The following LACTBL1 variants were observed in gnomAD, a reference collection of about 807,000 sequenced individuals.
LACTBL1 encodes lactamase beta like 1.
A neutral mutation model predicts 39.6 loss-of-function variants in LACTBL1; 29 were observed. That is an observed-to-expected ratio of 0.73 (90% CI 0.55 to 1.00). The LOEUF is 1.00. LACTBL1 is among the 50% of genes least tolerant of loss of function. The pLI, the probability that LACTBL1 is intolerant of heterozygous loss-of-function variation, is 0.00. For synonymous variants in LACTBL1, 361 were observed against 360.7 expected (o/e 1.00, Z -0.01); for missense variants, 711 against 748.5 (o/e 0.95, Z 0.59).
chr1:22,955,338 T>C (rs1640750645), exon 5 of LACTBL1: 2 of 1,550,372 alleles, frequency 1.3e-6, no homozygotes, highest in Non-Finnish European at 1.7e-6. Context: ...CCGGGTCCAC[T>C]ACCAGCACAT....
Position 22,965,279 on chromosome 1 carries a change from T to C in LACTBL1, c.49+11A>G. 1 of 1,318,902 alleles carries C rather than the reference T, an allele frequency of 7.6e-7. No homozygotes were observed. 81.7% of individuals were successfully genotyped at this position (1,318,902 alleles called of 1,614,324 possible). ...CTATGGGGAGGAACTCAAGGCTGTCTCTGCACTCACCGGTCTTCAGCTTGG... is the reference window on the plus strand; with the variant it reads ...CTATGGGGAGGAACTCAAGGCTGTCCCTGCACTCACCGGTCTTCAGCTTGG... On this transcript the variant is annotated intron_variant, in intron 1 of 5. Coordinates refer to ENST00000426928, the Ensembl canonical transcript of LACTBL1.
At chr1:22,963,162 G>C (rs1245051124) in exon 2 of LACTBL1, 1 of 1,316,904 alleles carries the variant, frequency 7.6e-7, no homozygotes, top group African/African-American at 1.5e-5. Flanking sequence ...CACGGGCTCA[G>C]GGTGCCGGGG....
Position 22,954,581 on chromosome 1 carries a change from C to T in LACTBL1, c.660-557G>A, listed in dbSNP as rs551973154. Among the ~76,000 whole-genome samples, 25 of 152,286 alleles carry T rather than the reference C, an allele frequency of 1.6e-4. 1 individual carries two copies. The South Asian group carries it at 5.2e-3, about 32-fold the overall frequency. ...GCATTCCTGAACTCTGGGCCAACTT[C>T]CTTATTTTTGCAGATGAGGAAGATT... On this transcript the variant is annotated intron_variant, in intron 5 of 5. Transcript: ENST00000426928.
chr1:22,965,563 T>C, upstream of LACTBL1: 1 of 278,482 alleles, frequency 3.6e-6, no homozygotes, highest in Non-Finnish European at 5.4e-6. Flanking sequence ...AATTTCACAG[T>C]TGTGAAACCA....
exon 6 of LACTBL1, chr1:22,953,912 T>A: frequency 1.3e-6 from 2 of 1,550,210 alleles, no homozygotes; most frequent in Non-Finnish European, 8.7e-7. Flanking sequence ...GTGTCTGCCA[T>A]CCCCAGCGGC....
exon 6 of LACTBL1, chr1:22,953,741 C>A (rs1394713204): frequency 7.4e-7 from 1 of 1,358,392 alleles, no homozygotes; most frequent in African/African-American, 1.5e-5. Context: ...CGGGGCCCGC[C>A]GCCCAGGAGC....
chr1:22,955,549 A>C (rs994327249), intron 4 of LACTBL1, 123 bp from the exon 7 acceptor site: 1 of 660,292 alleles, frequency 1.5e-6, no homozygotes, highest in Middle Eastern at 4.2e-4. Flanking sequence ...AGTTTTTTAA[A>C]AAAGAAAATC....
In LACTBL1 at chr1:22,953,705, TGGCCGCGTCG is replaced by T; in HGVS notation, c.969_978del (p.Asp324ArgfsTer112). 1 of 1,321,858 alleles carries T rather than the reference TGGCCGCGTCG, an allele frequency of 7.6e-7. No individual in the cohort carries two copies. Among genetic ancestry groups the T allele is most frequent in the Middle Eastern group, 2.9e-4 (1 of 3,504 alleles). 81.9% of individuals were successfully genotyped at this position (1,321,858 alleles called of 1,614,324 possible). On this transcript the variant is annotated frameshift_variant, in exon 6 of 6. Coordinates refer to ENST00000426928, the Ensembl canonical transcript of LACTBL1. LOFTEE classifies it high-confidence loss of function. ...GCCAGCAGCGGCGCCAGCAGCGTCT[TGGCCGCGTCG>T]GGCCGCAGGAGCCGCCGGGGCCCGC...
At chr1:22,964,201 T>G (rs1405394015) in intron 1 of LACTBL1, among the ~76,000 whole-genome samples, 1 of 152,174 alleles carries the variant, frequency 6.6e-6, no homozygotes, top group African/African-American at 2.4e-5. Flanking sequence ...CCTCCCAAAG[T>G]GCTGAGATTA....
At chr1:22,958,969 CA>C in intron 3 of LACTBL1, 49 bp from the exon 6 acceptor site, 1 of 1,272,154 alleles carries the variant, frequency 7.9e-7, no homozygotes. Context: ...CTGTTGGCCC[CA>C]CAACCCACCT....
chr1:22,968,211 GTGT>G (rs1640903030), upstream of LACTBL1, among the ~76,000 whole-genome samples: 1 of 152,202 alleles, frequency 6.6e-6, no homozygotes, highest in African/African-American at 2.4e-5. Flanking sequence ...TCTGTGGAGT[GTGT>G]TGTTGTATAA....
chr1:22,972,294 C>A, the LACTBL1 span: 1 of 985,250 alleles, frequency 1.0e-6, no homozygotes, highest in Non-Finnish European at 1.2e-6. Flanking sequence ...CTTCTTGAGG[C>A]TGTGCCTCAC....
chr1:22,960,060 C>T lies in LACTBL1; in HGVS notation c.199G>A (p.Val67Met), dbSNP rs977878181. Residue 67 changes from valine (V) to methionine (M), a missense_variant, in exon 3 of 6, where the codon GTG becomes ATG. Coordinates refer to ENST00000426928, the Ensembl canonical transcript of LACTBL1. ...ATGACAACTGCAGACATGGCAGCCA[C>T]GCCTGGGGCAGACATTGCCTGGCGC... The T allele has an allele frequency of 5.8e-6, 9 of 1,550,714 alleles. No homozygotes were observed. In the Admixed American group the frequency reaches 7.8e-5, roughly 14 times the overall value.
chr1:22,971,330 C>G, the LACTBL1 span, among the ~76,000 whole-genome samples: 1 of 152,126 alleles, frequency 6.6e-6, no homozygotes, highest in Non-Finnish European at 1.5e-5. Flanking sequence ...TTCCAGCAGA[C>G]CCGAAGATGG....
At chr1:22,958,360 CA>C (rs368909673) in intron 4 of LACTBL1, among the ~76,000 whole-genome samples, 18 of 152,260 alleles carry the variant, frequency 1.2e-4, no homozygotes, top group African/African-American at 4.3e-4. Context: ...ACTGGGGTGA[CA>C]GGCATGAGCC....
exon 6 of LACTBL1, chr1:22,953,873 C>T (rs997962313): frequency 1.5e-5 from 23 of 1,549,048 alleles, no homozygotes; most frequent in Non-Finnish European, 2.0e-5. Flanking sequence ...GCCAGGCGCG[C>T]GCGCACGTCG....
At position 22,960,716 on chromosome 1, in the gene LACTBL1, TG is replaced by T. The variant is rs545155725; in HGVS notation, c.160-618del. ...CAATAGGCCTAGCCTGAACCCCTAG[TG>T]TTGGGGAATTCACTATTAATACAGT... On this transcript the variant is annotated intron_variant, in intron 2 of 5. Coordinates refer to ENST00000426928, the Ensembl canonical transcript of LACTBL1. 3.3e-4 allele frequency among the ~76,000 whole-genome samples: 50 copies of T among 149,550 alleles called. No homozygotes were observed. In the South Asian group the frequency reaches 0.011, roughly 32 times the overall value.
chr1:22,965,454 C>G, upstream of LACTBL1: 1 of 1,236,654 alleles, frequency 8.1e-7, no homozygotes, highest in Non-Finnish European at 1.0e-6. Flanking sequence ...AAGGTACAGT[C>G]CCCTTGGGGG....
intron 2 of LACTBL1, 57 bp from the exon 5 acceptor site, chr1:22,960,156 C>A: frequency 6.5e-7 from 1 of 1,540,334 alleles, no homozygotes; most frequent in Non-Finnish European, 8.8e-7. Flanking sequence ...CCTCAGTAAT[C>A]ATCTGCAAAG....
Sources: allele counts gnomAD v4.1 joint callset (sites outside exome capture counted in the v4.1 genomes callset), GRCh38; gene constraint gnomAD v4.1.1; transcripts MANE v1.5; gene names NCBI Gene and HGNC (gene_info 2026-07-23, HGNC 2026-07-21).